EIPR1: variants seen among roughly 807,000 people sequenced by gnomAD.
The protein encoded by EIPR1 is EARP and GARP complex-interacting protein 1.
In EIPR1, 25 loss-of-function variants were observed where a neutral mutation model predicts 48.1. That is an observed-to-expected ratio of 0.52 (90% confidence interval 0.38 to 0.73). EIPR1 has a LOEUF of 0.73. Ranked by LOEUF, EIPR1 falls within the 30% of genes least tolerant of loss-of-function variation. EIPR1 has a pLI of 0.00. For synonymous variants in EIPR1, 204 were observed against 201.9 expected (o/e 1.01, Z -0.09); for missense variants, 415 against 506.2 (o/e 0.82, Z 1.73).
chr2:3,250,756 C>T (rs1243872677), intron 4 of EIPR1, among the ~76,000 whole-genome samples: 1 of 152,148 alleles, frequency 6.6e-6, no homozygotes, highest in Non-Finnish European at 1.5e-5. Context: ...AGTCTTCTCG[C>T]TCAGTTAGTT....
chr2:3,199,657 C>T (rs61634121), intron 5 of EIPR1, among the ~76,000 whole-genome samples: 2 of 109,590 alleles, frequency 1.8e-5, no homozygotes, highest in Admixed American at 1.0e-4. Flanking sequence ...CTATGGGGGG[C>T]GTGTCCACAT....
chr2:3,198,861 C>T (rs1664901026), intron 5 of EIPR1, among the ~76,000 whole-genome samples: 2 of 151,894 alleles, frequency 1.3e-5, no homozygotes, highest in South Asian at 2.1e-4. Context: ...TAATGAACTT[C>T]CATGTCCCAC....
At chr2:3,316,411 CTATT>C (rs762857299) in intron 3 of EIPR1, among the ~76,000 whole-genome samples, 26 of 152,118 alleles carry the variant, frequency 1.7e-4, no homozygotes, top group Admixed American at 1.7e-3. Flanking sequence ...AAGTACTTAT[CTATT>C]TATTTATTTA....
intron 3 of EIPR1, among the ~76,000 whole-genome samples, chr2:3,261,155 G>C (rs1667322840): frequency 6.6e-6 from 1 of 152,096 alleles, no homozygotes; most frequent in Non-Finnish European, 1.5e-5. Context: ...TTATCATAAT[G>C]ACCAACGAGA....
intron 4 of EIPR1, among the ~76,000 whole-genome samples, chr2:3,248,088 T>C (rs1217738287): frequency 1.3e-5 from 2 of 152,056 alleles, no homozygotes; most frequent in Non-Finnish European, 2.9e-5. Flanking sequence ...ATGAATAGCC[T>C]AGCAGCATCC....
At chr2:3,203,068 G>T (rs1291667937) in intron 5 of EIPR1, among the ~76,000 whole-genome samples, 2 of 152,358 alleles carry the variant, frequency 1.3e-5, no homozygotes, top group African/African-American at 2.4e-5. Context: ...GCCAGGCCCT[G>T]TGCGGAGCAT....
intron 6 of EIPR1, among the ~76,000 whole-genome samples, chr2:3,194,695 AAG>A (rs1664747293): frequency 1.3e-5 from 2 of 150,182 alleles, no homozygotes; most frequent in Admixed American, 6.6e-5. Flanking sequence ...GAGAGAGAGA[AAG>A]GGGGGGGCAG....
At chr2:3,252,427 C>T (rs1456521408) in intron 4 of EIPR1, among the ~76,000 whole-genome samples, 2 of 152,150 alleles carry the variant, frequency 1.3e-5, no homozygotes, top group African/African-American at 4.8e-5. Context: ...CCCGTCTCTA[C>T]TAAAAATACA....
chr2:3,317,541 C>T (rs1338944515), intron 3 of EIPR1, among the ~76,000 whole-genome samples: 2 of 152,246 alleles, frequency 1.3e-5, no homozygotes, highest in Non-Finnish European at 2.9e-5. Context: ...CAGGTGACCT[C>T]GCAGCAGCTG....
chr2:3,226,819 T>C (rs1666080593), intron 4 of EIPR1, among the ~76,000 whole-genome samples: 1 of 152,184 alleles, frequency 6.6e-6, no homozygotes, highest in African/African-American at 2.4e-5. Context: ...GCTGTTCTCA[T>C]GACAGTGAAT....
rs182731000 is a variant in EIPR1, at chr2:3,212,506, C to T, written c.516+1643G>A. Among the ~76,000 whole-genome samples, 13 of 152,312 alleles carry T rather than the reference C, an allele frequency of 8.5e-5. No homozygotes were observed. The East Asian group carries it at 1.9e-3, about 23-fold the overall frequency. ...CTGGGCCCTCTGCCCAAGTGTCTCA[C>T]CCAAAGCCTACCGTGAGCCTGGCAT... On this transcript the variant is annotated intron_variant, in intron 5 of 8. Transcript: ENST00000382125.
rs542431159 is a variant in EIPR1 at position 3,273,525 on chromosome 2, A to G, written c.260-16070T>C. Among the ~76,000 whole-genome samples the G allele has an allele frequency of 9.3e-3, 779 of 83,550 alleles. 5 individuals are homozygous for G. The highest frequency in any genetic ancestry group is 0.038 in the African/African-American group (727 of 19,328). 54.8% of individuals were successfully genotyped at this position (83,550 alleles called of 152,430 possible). A position where few individuals can be genotyped will look rare whatever the true frequency, so the allele number is the denominator to read the frequency against. Reference sequence around the variant, plus strand: ...TGGCATGCATAGAAAAATGTCACACACACGCAAAAAAAAACCCACTTGTTT... The same window carrying G: ...TGGCATGCATAGAAAAATGTCACACGCACGCAAAAAAAAACCCACTTGTTT... On this transcript the variant is annotated intron_variant, in intron 3 of 8. Transcript: ENST00000382125.
chr2:3,309,660 T>C (rs1669061164), intron 3 of EIPR1, among the ~76,000 whole-genome samples: 4 of 151,758 alleles, frequency 2.6e-5, no homozygotes. Context: ...GGAAAAACAG[T>C]GGGCGAGGGA....
intron 1 of EIPR1, among the ~76,000 whole-genome samples, chr2:3,362,595 G>A (rs2103384652): frequency 6.7e-6 from 1 of 148,296 alleles, no homozygotes; most frequent in South Asian, 2.1e-4. Flanking sequence ...AAAGCAGGAA[G>A]AAGGAGATCA....
At chr2:3,237,357 G>C (rs1666440644) in intron 4 of EIPR1, among the ~76,000 whole-genome samples, 1 of 151,848 alleles carries the variant, frequency 6.6e-6, no homozygotes, top group Non-Finnish European at 1.5e-5. Flanking sequence ...AAATAGGTGA[G>C]TACAACAAGA....
intron 6 of EIPR1, among the ~76,000 whole-genome samples, chr2:3,196,447 T>C (rs1664809479): frequency 4.6e-5 from 7 of 152,072 alleles, no homozygotes; most frequent in Admixed American, 4.6e-4. Flanking sequence ...AATGACAAAA[T>C]ATGATTGCCC....
chr2:3,269,115 G>A (rs1003617052), intron 3 of EIPR1, among the ~76,000 whole-genome samples: 1 of 152,198 alleles, frequency 6.6e-6, no homozygotes, highest in African/African-American at 2.4e-5. Context: ...TGGGCATGCT[G>A]TACACTGAGC....
At chr2:3,336,472 TA>T (rs1188522762) in intron 3 of EIPR1, among the ~76,000 whole-genome samples, 1 of 152,142 alleles carries the variant, frequency 6.6e-6, no homozygotes, top group Non-Finnish European at 1.5e-5. Context: ...GCTGTGAAGT[TA>T]AAGTGGAAGA....
chr2:3,340,597 A>G (rs1572464081), intron 2 of EIPR1, among the ~76,000 whole-genome samples: 2 of 152,236 alleles, frequency 1.3e-5, no homozygotes, highest in African/African-American at 4.8e-5. Flanking sequence ...CCTGTTACAC[A>G]TTTTATAATA....
Sources: gnomAD v4.1 joint callset for allele counts (sites outside exome capture counted in the v4.1 genomes callset) on GRCh38, gnomAD v4.1.1 for gene constraint, MANE v1.5 for transcripts, NCBI Gene and HGNC (gene_info 2026-07-23, HGNC 2026-07-21) for gene names.